LRRC4C: variants seen among roughly 807,000 people sequenced by gnomAD.
LRRC4C encodes the protein leucine-rich repeat-containing protein 4C.
Under a neutral mutation model 33.6 loss-of-function variants are expected in LRRC4C, and 5 were observed. The observed-to-expected ratio is 0.15, with a 90% CI of 0.08 to 0.31. The LOEUF (loss-of-function observed/expected upper bound fraction) is 0.31, where lower values mean the gene tolerates loss of function less well. LRRC4C is among the 10% of genes least tolerant of loss of function. LRRC4C has a pLI of 1.00. For synonymous variants in LRRC4C, 329 were observed against 302.0 expected (o/e 1.09, Z -0.93); for missense variants, 560 against 796.7 (o/e 0.70, Z 3.58).
At chr11:41,363,833 T>C (rs2137696953) in intron 1 of LRRC4C, among the ~76,000 whole-genome samples, 1 of 152,302 alleles carries the variant, frequency 6.6e-6, no homozygotes, top group Non-Finnish European at 1.5e-5. Flanking sequence ...TATTACAGAA[T>C]GGATTGCCTG....
rs866106326 is a variant in LRRC4C at position 40,433,797 on chromosome 11, A to G, written c.-269-114076T>C. ...GTTTGGGAAGATGAGGTTTATGAGG[A>G]TCTACTGGTGAGAAACCAGCAGAGC... On this transcript the variant is annotated intron_variant, in intron 3 of 6. Coordinates refer to ENST00000528697, the MANE Select transcript of LRRC4C (RefSeq NM_001258419.2). 2.0e-5 allele frequency among the ~76,000 whole-genome samples: 3 copies of G among 152,304 alleles called. No individual in the cohort carries two copies. The Middle Eastern group carries it at 0.01, about 518-fold the overall frequency.
chr11:40,538,350 T>C (rs1956562959), intron 3 of LRRC4C, among the ~76,000 whole-genome samples: 1 of 152,158 alleles, frequency 6.6e-6, no homozygotes, highest in Non-Finnish European at 1.5e-5. Context: ...TTCTTATTGT[T>C]CAATTCCCAC....
chr11:41,216,171 A>C (rs7479750), intron 1 of LRRC4C, among the ~76,000 whole-genome samples: 5,992 of 152,278 alleles, frequency 0.039, 125 homozygotes, highest in South Asian at 0.053. Flanking sequence ...GCAACTGTTC[A>C]TTTTAAAACA....
intron 1 of LRRC4C, among the ~76,000 whole-genome samples, chr11:41,114,621 A>G (rs2135722281): frequency 6.6e-6 from 1 of 152,186 alleles, no homozygotes; most frequent in South Asian, 2.1e-4. Flanking sequence ...ACACATCTCT[A>G]AATTTTAAAA....
intron 4 of LRRC4C, among the ~76,000 whole-genome samples, chr11:40,269,234 T>C (rs1018457805): frequency 4.6e-5 from 7 of 152,166 alleles, no homozygotes; most frequent in Admixed American, 3.3e-4. Flanking sequence ...ATAAAATCTC[T>C]ATTTAGCTTA....
intron 3 of LRRC4C, among the ~76,000 whole-genome samples, chr11:40,507,917 T>C (rs1032894039): frequency 6.6e-6 from 1 of 151,996 alleles, no homozygotes; most frequent in Non-Finnish European, 1.5e-5. Context: ...CTTTTGTATT[T>C]TTAATAGAGA....
At chr11:40,661,702 T>C (rs1565611086) in intron 2 of LRRC4C, among the ~76,000 whole-genome samples, 1 of 152,236 alleles carries the variant, frequency 6.6e-6, no homozygotes, top group African/African-American at 2.4e-5. Flanking sequence ...ATCATAAATG[T>C]TCCATTAATG....
chr11:40,152,598 T>A (rs1174041645), intron 5 of LRRC4C, among the ~76,000 whole-genome samples: 1 of 152,140 alleles, frequency 6.6e-6, no homozygotes, highest in Non-Finnish European at 1.5e-5. Context: ...CGGGCTGTTG[T>A]GGGGCACAGT....
At chr11:40,489,674 C>T (rs536257968) in intron 3 of LRRC4C, among the ~76,000 whole-genome samples, 64 of 152,186 alleles carry the variant, frequency 4.2e-4, no homozygotes, top group African/African-American at 1.5e-3. Flanking sequence ...ATAAATGGAA[C>T]CCCCTTTATT....
At chr11:40,473,467 T>G (rs1953047171) in intron 3 of LRRC4C, among the ~76,000 whole-genome samples, 1 of 152,144 alleles carries the variant, frequency 6.6e-6, no homozygotes, top group Admixed American at 6.6e-5. Flanking sequence ...TAATAAGAGC[T>G]ATTTATGACA....
chr11:40,821,989 C>T (rs1951948384), intron 2 of LRRC4C, among the ~76,000 whole-genome samples: 2 of 151,720 alleles, frequency 1.3e-5, no homozygotes, highest in South Asian at 2.1e-4. Flanking sequence ...TCCCCTTAAA[C>T]ATTTATTATT....
chr11:40,457,120 A>G (rs1952171382), intron 3 of LRRC4C, among the ~76,000 whole-genome samples: 1 of 151,680 alleles, frequency 6.6e-6, no homozygotes, highest in East Asian at 1.9e-4. Flanking sequence ...AAAAAAGAAA[A>G]AAAAAACAGT....
chr11:40,382,316 T>C (rs1948913570), intron 3 of LRRC4C, among the ~76,000 whole-genome samples: 1 of 151,600 alleles, frequency 6.6e-6, no homozygotes, highest in Non-Finnish European at 1.5e-5. Context: ...TTTTATATTT[T>C]ATTTAAAATT....
At chr11:40,347,382 AT>A (rs1255088048) in intron 3 of LRRC4C, among the ~76,000 whole-genome samples, 1 of 152,182 alleles carries the variant, frequency 6.6e-6, no homozygotes, top group Admixed American at 6.5e-5. Flanking sequence ...GGTTTGGTCT[AT>A]CCAGACCACT....
chr11:40,216,943 G>A (rs989614891), intron 5 of LRRC4C, among the ~76,000 whole-genome samples: 2 of 152,162 alleles, frequency 1.3e-5, no homozygotes, highest in African/African-American at 4.8e-5. Context: ...ATCATTTTCA[G>A]TTCTGAGGAA....
At chr11:40,205,771 G>C (rs1441293878) in intron 5 of LRRC4C, among the ~76,000 whole-genome samples, 2 of 152,020 alleles carry the variant, frequency 1.3e-5, no homozygotes, top group African/African-American at 4.8e-5. Context: ...GACCAACTAG[G>C]TTCTTCATCA....
chr11:40,630,747 T>G (rs1165264754), intron 3 of LRRC4C, among the ~76,000 whole-genome samples: 3 of 152,142 alleles, frequency 2.0e-5, no homozygotes, highest in Non-Finnish European at 4.4e-5. Context: ...GTACTTTGGT[T>G]GCTTGCTTTT....
chr11:40,839,566 C>T (rs780043276), intron 2 of LRRC4C, among the ~76,000 whole-genome samples: 1 of 152,100 alleles, frequency 6.6e-6, no homozygotes, highest in Admixed American at 6.5e-5. Flanking sequence ...TCAAACTTCT[C>T]TTAGCCTAGA....
At chr11:41,245,133 C>T (rs1948400158) in intron 1 of LRRC4C, among the ~76,000 whole-genome samples, 1 of 152,182 alleles carries the variant, frequency 6.6e-6, no homozygotes, top group South Asian at 2.1e-4. Flanking sequence ...AATTAATATT[C>T]ACCTCTTTAA....
Sources: gnomAD v4.1 joint callset for allele counts (sites outside exome capture counted in the v4.1 genomes callset) on GRCh38, gnomAD v4.1.1 for gene constraint, MANE v1.5 for transcripts, NCBI Gene and HGNC (gene_info 2026-07-23, HGNC 2026-07-21) for gene names.